The following KIAA1217 variants were observed in gnomAD, a reference collection of about 807,000 sequenced individuals.
KIAA1217 encodes sickle tail protein homolog.
Under a neutral mutation model 163.9 loss-of-function variants are expected in KIAA1217, and 88 were observed. That is an observed-to-expected ratio of 0.54 (90% confidence interval 0.45 to 0.64). The LOEUF (loss-of-function observed/expected upper bound fraction) is 0.64. KIAA1217 is among the 30% of genes least tolerant of loss of function. KIAA1217 has a pLI of 0.00. For missense variants in KIAA1217, 2,372 were observed against 2,475.0 expected (o/e 0.96, Z 0.88); for synonymous variants, 903 against 923.1 (o/e 0.98, Z 0.39).
upstream of KIAA1217, among the ~76,000 whole-genome samples, chr10:24,207,282 T>TCTCACACACACACACACACACACA (rs529791287): frequency 7.1e-6 from 1 of 140,166 alleles, no homozygotes; most frequent in African/African-American, 2.9e-5. Context: ...TCTCTCTCTC[T>TCTCACACACACACACACACACACA]CACACACACA....
At chr10:24,111,895 G>T (rs1281045309) in intron 2 of KIAA1217, among the ~76,000 whole-genome samples, 2 of 152,144 alleles carry the variant, frequency 1.3e-5, no homozygotes, top group Non-Finnish European at 2.9e-5. Flanking sequence ...AGCCTCTCAT[G>T]TAGCTGGCAC....
chr10:24,299,442 T>G (rs1394698597), intron 2 of KIAA1217, among the ~76,000 whole-genome samples: 1 of 152,152 alleles, frequency 6.6e-6, no homozygotes, highest in Non-Finnish European at 1.5e-5. Flanking sequence ...AACAGGGTCT[T>G]GCTCTGTTGC....
intron 9 of KIAA1217, among the ~76,000 whole-genome samples, chr10:24,502,141 G>C (rs761603205): frequency 6.6e-6 from 1 of 151,924 alleles, no homozygotes; most frequent in Non-Finnish European, 1.5e-5. Context: ...GAGGGGCCAC[G>C]GGGAGCATGC....
intron 1 of KIAA1217, among the ~76,000 whole-genome samples, chr10:23,999,039 A>G (rs1007621965): frequency 2.0e-5 from 3 of 152,276 alleles, no homozygotes; most frequent in Admixed American, 2.0e-4. Flanking sequence ...TCTGAAAATA[A>G]CTATCACTAA....
intron 1 of KIAA1217, among the ~76,000 whole-genome samples, chr10:23,866,843 CT>C (rs538724922): frequency 6.6e-6 from 1 of 151,956 alleles, no homozygotes; most frequent in African/African-American, 2.4e-5. Flanking sequence ...TTTTCTTTTT[CT>C]TTTTTTCTTT....
At chr10:24,341,898 G>A (rs1362358534) in intron 2 of KIAA1217, among the ~76,000 whole-genome samples, 1 of 152,110 alleles carries the variant, frequency 6.6e-6, no homozygotes, top group Admixed American at 6.5e-5. Context: ...CATAGACTTG[G>A]AATATCGTCA....
chr10:24,113,642 T>C (rs2062940141), intron 2 of KIAA1217, among the ~76,000 whole-genome samples: 1 of 152,192 alleles, frequency 6.6e-6, no homozygotes, highest in Admixed American at 6.5e-5. Flanking sequence ...TGAGCAGAGC[T>C]GGCTCCTGGG....
At chr10:24,265,998 G>T (rs2076197080) in intron 2 of KIAA1217, among the ~76,000 whole-genome samples, 2 of 151,790 alleles carry the variant, frequency 1.3e-5, no homozygotes, top group South Asian at 4.1e-4. Context: ...AGAGAAAAGG[G>T]CAGAAAGATA....
intron 2 of KIAA1217, among the ~76,000 whole-genome samples, chr10:24,147,832 C>CAAAAAAAAAAAAAAAAAAAAAAAAAAAAA (rs1176106711): frequency 2.9e-4 from 6 of 20,770 alleles, no homozygotes; most frequent in Admixed American, 8.2e-4. Context: ...TACTCTGTCT[C>CAAAAAAAAAAAAAAAAAAAAAAAAAAAAA]AAAAAAAAAA....
intron 2 of KIAA1217, among the ~76,000 whole-genome samples, chr10:24,111,466 G>A (rs2062841490): frequency 6.6e-6 from 1 of 151,684 alleles, no homozygotes; most frequent in South Asian, 2.1e-4. Context: ...ATTCATTTTG[G>A]GGGAAAAAAA....
At chr10:24,154,430 GAAAATA>G (rs1300536482) in intron 2 of KIAA1217, among the ~76,000 whole-genome samples, 3 of 151,494 alleles carry the variant, frequency 2.0e-5, no homozygotes, top group African/African-American at 7.3e-5. Flanking sequence ...CTATCTACAA[GAAAATA>G]AAAATAAAAA....
chr10:24,517,289 G>C (rs1461566667), intron 10 of KIAA1217, among the ~76,000 whole-genome samples: 2 of 152,048 alleles, frequency 1.3e-5, no homozygotes, highest in African/African-American at 4.8e-5. Context: ...GGCTAGATCT[G>C]AATGGCAAGA....
intron 2 of KIAA1217, among the ~76,000 whole-genome samples, chr10:24,170,858 G>A (rs1350546298): frequency 1.3e-5 from 2 of 152,236 alleles, no homozygotes; most frequent in Admixed American, 1.3e-4. Flanking sequence ...GCTTATGAGT[G>A]AAGGGGGCCC....
At chr10:23,923,760 C>T (rs988154439) in intron 1 of KIAA1217, among the ~76,000 whole-genome samples, 1 of 152,178 alleles carries the variant, frequency 6.6e-6, no homozygotes, top group Non-Finnish European at 1.5e-5. Context: ...CTTCAGACGT[C>T]TGACCTCCAG....
chr10:24,451,079 C>G (rs532247337), intron 5 of KIAA1217, among the ~76,000 whole-genome samples: 33 of 152,156 alleles, frequency 2.2e-4, no homozygotes, highest in Non-Finnish European at 3.8e-4. Flanking sequence ...ATAATGAAAA[C>G]AGTGAACATC....
At chr10:24,364,291 T>C (rs1394973133) in intron 2 of KIAA1217, among the ~76,000 whole-genome samples, 1 of 152,202 alleles carries the variant, frequency 6.6e-6, no homozygotes, top group Non-Finnish European at 1.5e-5. Context: ...CCGCTCTTAT[T>C]TTTTAAGAAC....
At chr10:23,717,944 G>A (rs1317938161) in intron 1 of KIAA1217, among the ~76,000 whole-genome samples, 1 of 152,108 alleles carries the variant, frequency 6.6e-6, no homozygotes, top group Non-Finnish European at 1.5e-5. Context: ...TAAAATAGAT[G>A]TATCTTTCCA....
intron 1 of KIAA1217, among the ~76,000 whole-genome samples, chr10:23,841,118 A>G (rs192603419): frequency 1.3e-5 from 2 of 152,364 alleles, no homozygotes; most frequent in East Asian, 3.9e-4. Flanking sequence ...AGTAATCAGC[A>G]TATGGTAAGC....
rs1472976724 is a variant in KIAA1217, at chr10:23,778,758, A to G, written c.-321+83524A>G. ...CAATGTGTCTTCCTGCAAGTCTGAC[A>G]TAAAGTAGGCTGGCTTCTGGATTGT... is the stretch of plus-strand genomic sequence containing the variant. On this transcript the variant is annotated intron_variant, in intron 1 of 18. Transcript: ENST00000376462. 2.0e-5 allele frequency among the ~76,000 whole-genome samples: 3 copies of G among 152,208 alleles called. No individual in the cohort carries two copies. In the South Asian group the frequency reaches 6.2e-4, roughly 31 times the overall value.
Sources: gnomAD v4.1 joint callset for allele counts (sites outside exome capture counted in the v4.1 genomes callset) on GRCh38, gnomAD v4.1.1 for gene constraint, MANE v1.5 for transcripts, NCBI Gene and HGNC (gene_info 2026-07-23, HGNC 2026-07-21) for gene names.